ENAH: variants seen among roughly 807,000 people sequenced by gnomAD.
The protein encoded by ENAH is protein enabled homolog.
A neutral mutation model predicts 78.7 loss-of-function variants in ENAH; 23 were observed. That is an observed-to-expected ratio of 0.29 (90% CI 0.21 to 0.41). The LOEUF (loss-of-function observed/expected upper bound fraction) is 0.41. Ranked by LOEUF, ENAH falls within the 10% of genes least tolerant of loss-of-function variation. ENAH has a pLI of 1.00. For synonymous variants in ENAH, 226 were observed against 241.0 expected (o/e 0.94, Z 0.58); for missense variants, 544 against 691.0 (o/e 0.79, Z 2.39).
At chr1:225,548,698 A>G (rs2096627000) in intron 3 of ENAH, among the ~76,000 whole-genome samples, 1 of 152,220 alleles carries the variant, frequency 6.6e-6, no homozygotes, top group African/African-American at 2.4e-5. Context: ...GTGACAACAG[A>G]CATATTAACC....
intron 1 of ENAH, among the ~76,000 whole-genome samples, chr1:225,647,677 C>T (rs996212142): frequency 1.3e-5 from 2 of 152,036 alleles, no homozygotes; most frequent in African/African-American, 4.8e-5. Flanking sequence ...TAGTATCCAC[C>T]AAATACTACA....
intron 1 of ENAH, among the ~76,000 whole-genome samples, chr1:225,640,957 G>A (rs916093759): frequency 2.0e-5 from 3 of 147,500 alleles, no homozygotes; most frequent in Admixed American, 6.9e-5. Context: ...GTGCAATGGC[G>A]CGATCTCGGC....
At chr1:225,520,051 T>G (rs1289003465) in intron 4 of ENAH, among the ~76,000 whole-genome samples, 1 of 152,150 alleles carries the variant, frequency 6.6e-6, no homozygotes, top group African/African-American at 2.4e-5. Flanking sequence ...CCCAGCACTT[T>G]GGGAGGCCGA....
At chr1:225,632,799 G>T (rs909295328) in intron 1 of ENAH, among the ~76,000 whole-genome samples, 4 of 152,220 alleles carry the variant, frequency 2.6e-5, no homozygotes, top group African/African-American at 4.8e-5. Flanking sequence ...TCACAAACTG[G>T]AAGTCATTAA....
chr1:225,494,741 T>C lies in ENAH; in HGVS notation c.*3034A>G, dbSNP rs2096241294. The C allele has an allele frequency of 6.6e-6, 1 of 152,252 alleles. No individual in the cohort carries two copies. The highest frequency in any genetic ancestry group is 1.5e-5 in the Non-Finnish European group (1 of 68,032). The allele number at this position is 152,252 out of a possible 1,614,324, so 9.4% of individuals were successfully genotyped here. ...AAAGTCTTGGACTTTAAAAGGTGTT[T>C]TTCACATCCAATATAACTTACTTTA... On this transcript the variant is annotated 3_prime_UTR_variant, in exon 14 of 14. Transcript: ENST00000366843.
intron 11 of ENAH, chr1:225,505,014 G>T: frequency 6.2e-7 from 1 of 1,612,754 alleles, no homozygotes; most frequent in Non-Finnish European, 8.5e-7. Flanking sequence ...CATAGGACCT[G>T]TTGTCAAAAA....
intron 10 of ENAH, 49 bp from the exon 11 acceptor site, chr1:225,508,066 G>T: frequency 8.2e-7 from 1 of 1,215,056 alleles, no homozygotes; most frequent in Non-Finnish European, 1.1e-6. Flanking sequence ...TGCTTCCAGA[G>T]TTATTATAAA....
Position 225,514,658 on chromosome 1 carries a change from T to C in ENAH, c.1156A>G (p.Asn386Asp). 1 of 1,610,972 alleles carries C rather than the reference T, an allele frequency of 6.2e-7. No homozygotes were observed. Among genetic ancestry groups the C allele is most frequent in the South Asian group, 1.1e-5 (1 of 90,920 alleles). ...GFFLASMSEDNRPLTGLAAAI... is the reference protein window; with the variant it reads ...GFFLASMSEDDRPLTGLAAAI... ...GCTGCAAGTCCAGTTAAAGGGCGAT[T>C]GTCTTCTGACATGGATGCCAAAAAG... Residue 386 changes from asparagine to aspartate, a missense_variant, in exon 7 of 14, where the codon AAT becomes GAT. Asn to Asp is a conservative substitution (Grantham distance 23). Transcript: ENST00000366843.
chr1:225,521,316 T>TTCCAAATTG (rs2096466202), intron 4 of ENAH, among the ~76,000 whole-genome samples: 1 of 152,058 alleles, frequency 6.6e-6, no homozygotes. Context: ...TGATACATGG[T>TTCCAAATTG]TCCAAATTGT....
At chr1:225,593,357 T>C (rs962408900) in intron 1 of ENAH, among the ~76,000 whole-genome samples, 12 of 128,758 alleles carry the variant, frequency 9.3e-5, no homozygotes, top group Non-Finnish European at 1.6e-4. Flanking sequence ...ATCTACAGTG[T>C]GCTCCATATG....
At chr1:225,611,856 A>C (rs1449458134) in intron 1 of ENAH, among the ~76,000 whole-genome samples, 3 of 152,222 alleles carry the variant, frequency 2.0e-5, no homozygotes, top group Non-Finnish European at 2.9e-5. Flanking sequence ...GAAAATAAAA[A>C]ACCACAATGA....
intron 11 of ENAH, among the ~76,000 whole-genome samples, chr1:225,503,425 G>C (rs1237408539): frequency 6.6e-6 from 1 of 151,956 alleles, no homozygotes; most frequent in Non-Finnish European, 1.5e-5. Context: ...ACAGGCACAT[G>C]CAACCATGCC....
At chr1:225,651,395 GA>G (rs919149171) in intron 1 of ENAH, among the ~76,000 whole-genome samples, 19 of 147,192 alleles carry the variant, frequency 1.3e-4, no homozygotes, top group East Asian at 3.9e-4. Flanking sequence ...AACCTTGATA[GA>G]AAAAAAAAAT....
At chr1:225,583,654 A>G (rs2096830747) in intron 1 of ENAH, among the ~76,000 whole-genome samples, 1 of 151,652 alleles carries the variant, frequency 6.6e-6, no homozygotes, top group Non-Finnish European at 1.5e-5. Flanking sequence ...TAAATACAAA[A>G]AAAGTTAGCC....
At chr1:225,523,239 AACC>A (rs1263561596) in intron 4 of ENAH, among the ~76,000 whole-genome samples, 4 of 151,512 alleles carry the variant, frequency 2.6e-5, no homozygotes, top group Non-Finnish European at 1.5e-5. Context: ...GTTTTTTTTT[AACC>A]ACCAAGTTAA....
intron 8 of ENAH, 77 bp from the exon 9 acceptor site, chr1:225,512,791 G>A: frequency 1.9e-6 from 3 of 1,607,952 alleles, no homozygotes; most frequent in Non-Finnish European, 2.5e-6. Flanking sequence ...GAGGAAAGAA[G>A]TGCATCTAGT....
At chr1:225,651,701 T>A (rs2148530145) in intron 1 of ENAH, among the ~76,000 whole-genome samples, 1 of 152,288 alleles carries the variant, frequency 6.6e-6, no homozygotes, top group Non-Finnish European at 1.5e-5. Context: ...TGGATCAGCC[T>A]TCAGTCTACC....
intron 3 of ENAH, among the ~76,000 whole-genome samples, chr1:225,540,847 G>A (rs189284143): frequency 6.6e-6 from 1 of 152,174 alleles, no homozygotes; most frequent in Admixed American, 6.5e-5. Flanking sequence ...AACTAAGAAA[G>A]CATGCCTAGA....
rs1353863442 is a variant in ENAH at position 225,489,015 on chromosome 1, T to G, written c.*8760A>C. ...AAGGGCAGGAGGGTAAGATTATTCC[T>G]TTTTTCCTTTCAAGGCTGACAGTGA... is the stretch of plus-strand genomic sequence containing the variant. On this transcript the variant is annotated 3_prime_UTR_variant, in exon 14 of 14. Coordinates refer to ENST00000366843, the MANE Select transcript of ENAH (RefSeq NM_018212.6). The G allele has an allele frequency of 6.6e-6, 1 of 152,180 alleles. No homozygotes were observed. Among genetic ancestry groups the G allele is most frequent in the East Asian group, 1.9e-4 (1 of 5,200 alleles). The allele number at this position is 152,180 out of a possible 1,614,324, so 9.4% of individuals were successfully genotyped here. A position where few individuals can be genotyped will look rare whatever the true frequency, so the allele number is the denominator to read the frequency against.
Sources: gnomAD v4.1 joint callset for allele counts (sites outside exome capture counted in the v4.1 genomes callset) on GRCh38, gnomAD v4.1.1 for gene constraint, MANE v1.5 for transcripts, NCBI Gene and HGNC (gene_info 2026-07-23, HGNC 2026-07-21) for gene names.